The following PLCB1 variants were observed in gnomAD, a reference collection of about 807,000 sequenced individuals.
PLCB1 encodes 1-phosphatidylinositol 4,5-bisphosphate phosphodiesterase beta-1.
In PLCB1, 46 loss-of-function variants were observed where a neutral mutation model predicts 161.8. That is an observed-to-expected ratio of 0.28 (90% CI 0.22 to 0.36). The LOEUF (loss-of-function observed/expected upper bound fraction) is 0.36. Ranked by LOEUF, PLCB1 falls within the 10% of genes least tolerant of loss-of-function variation. PLCB1 has a pLI of 1.00. For missense variants in PLCB1, 1,016 were observed against 1,472.5 expected (o/e 0.69, Z 5.07); for synonymous variants, 517 against 503.7 (o/e 1.03, Z -0.35).
In PLCB1 at chr20:8,740,413, T is replaced by C. The variant is rs774957366; in HGVS notation, c.2378T>C (p.Ile793Thr). ...ACGCTGCCTGCTGTCTTTGTCTACATAGAAGTGAAAGACTATGTGCCAGAC... is the reference window on the plus strand; with the variant it reads ...ACGCTGCCTGCTGTCTTTGTCTACACAGAAGTGAAAGACTATGTGCCAGAC... ...PLTLPAVFVYIEVKDYVPDTY... is the reference protein window; with the variant it reads ...PLTLPAVFVYTEVKDYVPDTY... Residue 793 changes from isoleucine to threonine, a missense_variant, in exon 22 of 32, where the codon ATA becomes ACA. Ile to Thr is a moderately conservative substitution (Grantham distance 89). Transcript: ENST00000338037. 1 of 1,602,742 alleles carries C rather than the reference T, an allele frequency of 6.2e-7. No individual in the cohort carries two copies. Among genetic ancestry groups the C allele is most frequent in the Non-Finnish European group, 8.5e-7 (1 of 1,175,700 alleles).
intron 2 of PLCB1, among the ~76,000 whole-genome samples, chr20:8,296,279 C>T (rs1983625229): frequency 6.6e-6 from 1 of 152,148 alleles, no homozygotes; most frequent in Non-Finnish European, 1.5e-5. Context: ...TGTGTGTGAT[C>T]CATCTGTCCT....
At chr20:8,314,133 C>A (rs1449272064) in intron 2 of PLCB1, among the ~76,000 whole-genome samples, 1 of 152,090 alleles carries the variant, frequency 6.6e-6, no homozygotes, top group Non-Finnish European at 1.5e-5. Context: ...GAGATGGCAT[C>A]TCGAGAGTCA....
chr20:8,369,417 T>C (rs907457410), intron 2 of PLCB1, among the ~76,000 whole-genome samples: 2 of 152,244 alleles, frequency 1.3e-5, no homozygotes, highest in Non-Finnish European at 2.9e-5. Flanking sequence ...AGCAAATATT[T>C]TGGTTGTCAT....
chr20:8,228,159 C>T (rs1979802646), intron 2 of PLCB1, among the ~76,000 whole-genome samples: 1 of 150,830 alleles, frequency 6.6e-6, no homozygotes, highest in African/African-American at 2.4e-5. Context: ...GACTCTGTCT[C>T]AAAATAAATA....
intron 2 of PLCB1, among the ~76,000 whole-genome samples, chr20:8,318,713 T>C (rs1479990463): frequency 6.6e-6 from 1 of 152,190 alleles, no homozygotes; most frequent in African/African-American, 2.4e-5. Context: ...TGTGACAATA[T>C]TATGTTCCTG....
chr20:8,742,119 C>T (rs1376225678), intron 23 of PLCB1, among the ~76,000 whole-genome samples: 1 of 151,922 alleles, frequency 6.6e-6, no homozygotes, highest in African/African-American at 2.4e-5. Flanking sequence ...TGTCACAATG[C>T]AAAGCATAAT....
chr20:8,268,771 A>C (rs1982116614), intron 2 of PLCB1, among the ~76,000 whole-genome samples: 1 of 152,116 alleles, frequency 6.6e-6, no homozygotes, highest in South Asian at 2.1e-4. Context: ...TCTTCTTTTG[A>C]GAAGTGTCTG....
At chr20:8,756,810 C>A (rs995956125) in intron 23 of PLCB1, among the ~76,000 whole-genome samples, 2 of 152,148 alleles carry the variant, frequency 1.3e-5, no homozygotes, top group African/African-American at 2.4e-5. Flanking sequence ...AAGGGCACCA[C>A]CAACGGGCAT....
At chr20:8,267,121 C>T (rs183551021) in intron 2 of PLCB1, among the ~76,000 whole-genome samples, 62 of 152,098 alleles carry the variant, frequency 4.1e-4, no homozygotes, top group African/African-American at 1.3e-3. Context: ...TTAACACTGC[C>T]AAAAAGAAAT....
At chr20:8,251,281 T>C (rs1186133980) in intron 2 of PLCB1, among the ~76,000 whole-genome samples, 1 of 151,826 alleles carries the variant, frequency 6.6e-6, no homozygotes, top group Non-Finnish European at 1.5e-5. Context: ...CATAGGAATT[T>C]GGGGGGAACA....
In PLCB1 at chr20:8,414,194, G is replaced by A. The variant is rs141073013; in HGVS notation, c.246+42744G>A. The stretch of plus-strand genomic sequence containing the variant: ...AATGAAGAGATCTGTTTTCTCAATC[G>A]TCATACTAAAAAATGAGTGGTGTCT... On this transcript the variant is annotated intron_variant, in intron 3 of 31. Transcript: ENST00000338037. 9.8e-3 allele frequency among the ~76,000 whole-genome samples: 1,482 copies of A among 151,938 alleles called. 13 individuals carry two copies. Among genetic ancestry groups the A allele is most frequent in the Non-Finnish European group, 0.017 (1,159 of 67,932 alleles).
intron 3 of PLCB1, among the ~76,000 whole-genome samples, chr20:8,459,531 G>A (rs1981476345): frequency 6.6e-6 from 1 of 152,120 alleles, no homozygotes; most frequent in Non-Finnish European, 1.5e-5. Context: ...CACATATAGT[G>A]TTTCAAATAT....
intron 9 of PLCB1, among the ~76,000 whole-genome samples, chr20:8,676,157 G>T (rs58891300): frequency 0.019 from 2,850 of 152,334 alleles, 73 homozygotes; most frequent in African/African-American, 0.056. Flanking sequence ...ATCACCTGAA[G>T]TCAGGTGTTA....
intron 2 of PLCB1, among the ~76,000 whole-genome samples, chr20:8,332,659 G>A (rs1985410913): frequency 6.6e-6 from 1 of 152,228 alleles, no homozygotes; most frequent in Non-Finnish European, 1.5e-5. Context: ...CAAGGTTAGA[G>A]TAGTCAGACT....
intron 2 of PLCB1, among the ~76,000 whole-genome samples, chr20:8,230,021 A>T (rs2123181152): frequency 7.3e-6 from 1 of 137,928 alleles, no homozygotes; most frequent in South Asian, 2.3e-4. Context: ...ACATCACCAC[A>T]CTTCAGCCTC....
At chr20:8,259,520 G>A (rs1373927042) in intron 2 of PLCB1, among the ~76,000 whole-genome samples, 1 of 152,102 alleles carries the variant, frequency 6.6e-6, no homozygotes, top group Non-Finnish European at 1.5e-5. Context: ...GGAGGCTGAG[G>A]TGGGAGGATC....
At chr20:8,839,169 G>T (rs914792111) in intron 31 of PLCB1, among the ~76,000 whole-genome samples, 1 of 152,172 alleles carries the variant, frequency 6.6e-6, no homozygotes, top group Non-Finnish European at 1.5e-5. Flanking sequence ...AGATATATCT[G>T]ACAAAGTTTA....
chr20:8,341,595 C>T (rs1310860337), intron 2 of PLCB1, among the ~76,000 whole-genome samples: 1 of 152,146 alleles, frequency 6.6e-6, no homozygotes, highest in African/African-American at 2.4e-5. Flanking sequence ...AGAGGCCCTC[C>T]CAGTCCCAAG....
chr20:8,828,543 G>T (rs559980640), intron 31 of PLCB1, among the ~76,000 whole-genome samples: 52 of 152,238 alleles, frequency 3.4e-4, no homozygotes, highest in Non-Finnish European at 2.9e-5. Flanking sequence ...TCACTAATAA[G>T]AGTACATTAT....
Sources: allele counts gnomAD v4.1 joint callset (sites outside exome capture counted in the v4.1 genomes callset), GRCh38; gene constraint gnomAD v4.1.1; transcripts MANE v1.5; gene names NCBI Gene and HGNC (gene_info 2026-07-23, HGNC 2026-07-21).